LOC101059915: variants seen among roughly 807,000 people sequenced by gnomAD.
the LOC101059915 span, chrX:71,671,275 T>C: frequency 8.6e-7 from 1 of 1,157,447 alleles, no homozygotes; most frequent in African/African-American, 1.8e-5. Context: ...TCATGTCCCT[T>C]TCCACAGTCC....
At chrX:71,667,646 C>T in the LOC101059915 span, 3 of 461,728 alleles carry the variant, frequency 6.5e-6, no homozygotes, top group Non-Finnish European at 3.1e-6. Context: ...GTTCCTGTGG[C>T]CCCAGAGCAC....
the LOC101059915 span, chrX:71,668,112 C>T: frequency 4.4e-6 from 5 of 1,137,713 alleles, no homozygotes; most frequent in East Asian, 6.6e-5. Flanking sequence ...ACTACTCTTT[C>T]TACCTGGCTG....
At chrX:71,670,147 G>A in the LOC101059915 span, 11 of 987,690 alleles carry the variant, frequency 1.1e-5, no homozygotes, top group Non-Finnish European at 1.5e-5. Context: ...GCTAGGCAGA[G>A]CAGGGGCAAC....
At chrX:71,668,432 C>G in the LOC101059915 span, 3 of 1,162,605 alleles carry the variant, frequency 2.6e-6, no homozygotes, top group Non-Finnish European at 2.3e-6. Context: ...GACTCTGATT[C>G]CGCAGATGAG....
the LOC101059915 span, chrX:71,668,906 G>A: frequency 3.3e-5 from 37 of 1,122,805 alleles, no homozygotes; most frequent in Non-Finnish European, 4.3e-5. Flanking sequence ...GGGCTCCTGG[G>A]GAAGTCCGTG....
At chrX:71,668,880 G>T in the LOC101059915 span, 1 of 1,106,031 alleles carries the variant, frequency 9.0e-7, no homozygotes, top group South Asian at 2.3e-5. Context: ...CTAGCTTCCC[G>T]CCAGTGTCTG....
chrX:71,668,048 G>T, the LOC101059915 span: 1 of 1,162,838 alleles, frequency 8.6e-7, no homozygotes, highest in South Asian at 1.9e-5. Context: ...GTGGTGCTCT[G>T]GGGCCAGGAA....
chrX:71,668,073 C>T, the LOC101059915 span: 1 of 1,153,510 alleles, frequency 8.7e-7, no homozygotes. Flanking sequence ...GGCCTGGCAC[C>T]CCGGTCGACG....
chrX:71,670,918 A>T, the LOC101059915 span: 2 of 751,861 alleles, frequency 2.7e-6, no homozygotes, highest in Non-Finnish European at 3.1e-6. Flanking sequence ...GAGATACCTT[A>T]TGTGTTTTCC....
the LOC101059915 span, chrX:71,669,180 C>T: frequency 8.7e-6 from 7 of 801,736 alleles, no homozygotes; most frequent in South Asian, 3.1e-5. Flanking sequence ...CACAGGTTGT[C>T]ATCGGGAGCC....
chrX:71,667,769 T>G, the LOC101059915 span: 1 of 1,019,298 alleles, frequency 9.8e-7, no homozygotes, highest in East Asian at 3.9e-5. Context: ...GACGACTGTC[T>G]CCCCACAGCC....
the LOC101059915 span, chrX:71,668,531 C>T: frequency 8.3e-5 from 94 of 1,139,120 alleles, no homozygotes; most frequent in Non-Finnish European, 6.1e-5. Context: ...CCAGGAGACA[C>T]TTGCGGACGC....
At chrX:71,669,364 G>C in the LOC101059915 span, among the ~76,000 whole-genome samples, 3 of 111,385 alleles carry the variant, frequency 2.7e-5, no homozygotes, top group East Asian at 8.5e-4. Flanking sequence ...AGGGCGCAAA[G>C]CTTGGGCATC....
At chrX:71,668,079 C>T in the LOC101059915 span, 26 of 1,151,185 alleles carry the variant, frequency 2.3e-5, no homozygotes, top group East Asian at 3.9e-4. Context: ...GCACCCCGGT[C>T]GACGACCAAG....
At chrX:71,670,069 G>A in the LOC101059915 span, among the ~76,000 whole-genome samples, 2 of 112,455 alleles carry the variant, frequency 1.8e-5, no homozygotes, top group African/African-American at 6.5e-5. Context: ...CAATGCTAGG[G>A]GGCCACAGGT....
At chrX:71,671,366 A>C in the LOC101059915 span, 1 of 785,102 alleles carries the variant, frequency 1.3e-6, no homozygotes, top group Non-Finnish European at 1.8e-6. Context: ...TGGAGCCAGC[A>C]TCTTCCTACA....
chrX:71,667,756 C>T, the LOC101059915 span: 1 of 1,009,783 alleles, frequency 9.9e-7, no homozygotes, highest in Non-Finnish European at 1.2e-6. Context: ...CCACTGTTAC[C>T]AGGACGACTG....
the LOC101059915 span, chrX:71,669,155 T>C: frequency 1.1e-6 from 1 of 925,606 alleles, no homozygotes; most frequent in Non-Finnish European, 1.4e-6. Context: ...GCCCATGCCC[T>C]CTCTATCCCT....
At chrX:71,671,131 T>G in the LOC101059915 span, 1 of 1,159,587 alleles carries the variant, frequency 8.6e-7, no homozygotes, top group Non-Finnish European at 1.2e-6. Flanking sequence ...CAGGGCTAGG[T>G]TTTTCCCCAC....
Sources: allele counts gnomAD v4.1 joint callset (sites outside exome capture counted in the v4.1 genomes callset), GRCh38; gene constraint gnomAD v4.1.1; transcripts MANE v1.5.